Variants in ZFPM2 observed in about 807,000 individuals in gnomAD.
ZFPM2 encodes the protein zinc finger protein ZFPM2.
In ZFPM2, 20 loss-of-function variants were observed where a neutral mutation model predicts 98.6. That is an observed-to-expected ratio of 0.20 (90% CI 0.14 to 0.29). ZFPM2 has a LOEUF of 0.29. ZFPM2 is among the 10% of genes least tolerant of loss of function. The probability of loss-of-function intolerance (pLI) is 1.00; values close to 1 mark genes in which losing one functional copy is unlikely to be tolerated. For synonymous variants in ZFPM2, 518 were observed against 502.7 expected (o/e 1.03, Z -0.41); for missense variants, 1,310 against 1,388.6 (o/e 0.94, Z 0.90).
Position 105,800,933 on chromosome 8 carries a change from T to G in ZFPM2, c.965-114T>G, listed in dbSNP as rs1586282848. On this transcript the variant is annotated intron_variant, in intron 7 of 7. Coordinates refer to ENST00000407775, the MANE Select transcript of ZFPM2 (RefSeq NM_012082.4). ...AACAGTTAATATCACGAATGAAATTTTGAAAGATTTCATTCCTATTGTGTT... is the reference window on the plus strand; with the variant it reads ...AACAGTTAATATCACGAATGAAATTGTGAAAGATTTCATTCCTATTGTGTT... The G allele has an allele frequency of 7.7e-5, 77 of 1,003,198 alleles. 2 individuals carry two copies. The South Asian group carries it at 1.2e-3, about 15-fold the overall frequency. The allele number at this position is 1,003,198 out of a possible 1,614,324, so 62.1% of individuals were successfully genotyped here.
At chr8:105,426,671 G>A (rs185115972) in intron 2 of ZFPM2, among the ~76,000 whole-genome samples, 55 of 152,210 alleles carry the variant, frequency 3.6e-4, no homozygotes, top group African/African-American at 1.0e-3. Flanking sequence ...CCTATAGGCC[G>A]GGGCGGTGGC....
chr8:105,587,131 A>G (rs112113089), intron 4 of ZFPM2, among the ~76,000 whole-genome samples: 45,177 of 150,666 alleles, frequency 0.3, 7,133 homozygotes, highest in South Asian at 0.4. Flanking sequence ...CAAAAAATTA[A>G]CCGGGCGTGG....
At chr8:105,336,688 C>CACACA (rs1812330628) in intron 1 of ZFPM2, among the ~76,000 whole-genome samples, 1 of 142,154 alleles carries the variant, frequency 7.0e-6, no homozygotes, top group Non-Finnish European at 1.6e-5. Context: ...GTAATATACT[C>CACACA]CACACACACA....
chr8:105,510,292 A>G (rs1586425903), intron 3 of ZFPM2, among the ~76,000 whole-genome samples: 1 of 152,168 alleles, frequency 6.6e-6, no homozygotes, highest in Non-Finnish European at 1.5e-5. Context: ...AACAATTTAC[A>G]TTTAAAAAAT....
intron 1 of ZFPM2, among the ~76,000 whole-genome samples, chr8:105,382,750 G>C (rs1270531629): frequency 6.6e-6 from 1 of 152,068 alleles, no homozygotes; most frequent in Non-Finnish European, 1.5e-5. Flanking sequence ...GCAAAGCTTA[G>C]TACTTTGGAA....
At chr8:105,472,883 A>AG (rs1812933167) in intron 3 of ZFPM2, among the ~76,000 whole-genome samples, 1 of 135,758 alleles carries the variant, frequency 7.4e-6, no homozygotes, top group Non-Finnish European at 1.5e-5. Flanking sequence ...CTTCTCCTAA[A>AG]GGGACCTTTT....
chr8:105,763,490 T>A (rs538133339), intron 5 of ZFPM2, among the ~76,000 whole-genome samples: 1 of 151,940 alleles, frequency 6.6e-6, no homozygotes, highest in African/African-American at 2.4e-5. Flanking sequence ...CAGGAAAGAG[T>A]TCTTGCCATT....
intron 5 of ZFPM2, among the ~76,000 whole-genome samples, chr8:105,700,997 TTATGATAAA>T (rs1811128984): frequency 6.6e-6 from 1 of 152,352 alleles, no homozygotes; most frequent in South Asian, 2.1e-4. Context: ...TTCCTTGATT[TTATGATAAA>T]TAGTGTGTTT....
intron 5 of ZFPM2, among the ~76,000 whole-genome samples, chr8:105,747,714 T>C (rs1343667238): frequency 6.6e-6 from 1 of 152,088 alleles, no homozygotes; most frequent in African/African-American, 2.4e-5. Flanking sequence ...TCAAGGCACT[T>C]AAAATGCAAA....
intron 5 of ZFPM2, among the ~76,000 whole-genome samples, chr8:105,738,802 A>C (rs1812149506): frequency 6.6e-6 from 1 of 151,996 alleles, no homozygotes; most frequent in Admixed American, 6.6e-5. Flanking sequence ...ATGAAAAAGC[A>C]GCTAAATTTA....
chr8:105,524,637 A>C (rs1814133859), intron 3 of ZFPM2, among the ~76,000 whole-genome samples: 1 of 152,198 alleles, frequency 6.6e-6, no homozygotes, highest in African/African-American at 2.4e-5. Flanking sequence ...GGTGCGGAAC[A>C]GGATTTTCTC....
chr8:105,757,066 G>A (rs1167754547), intron 5 of ZFPM2, among the ~76,000 whole-genome samples: 3 of 152,158 alleles, frequency 2.0e-5, no homozygotes, highest in Admixed American at 2.0e-4. Context: ...TTCCAGTAAT[G>A]CTATAGCCAA....
intron 3 of ZFPM2, among the ~76,000 whole-genome samples, chr8:105,545,377 G>C (rs1336003058): frequency 6.6e-6 from 1 of 152,084 alleles, no homozygotes; most frequent in African/African-American, 2.4e-5. Context: ...TCTCATGTAA[G>C]TTGGTGACTG....
chr8:105,348,866 A>C (rs1189611499), intron 1 of ZFPM2, among the ~76,000 whole-genome samples: 2 of 152,216 alleles, frequency 1.3e-5, no homozygotes, highest in African/African-American at 4.8e-5. Flanking sequence ...GCAAATGATT[A>C]TGAGGTTGAA....
rs138753814 is a variant in ZFPM2 at position 105,458,116 on chromosome 8, G to A, written c.301+13735G>A. On this transcript the variant is annotated intron_variant, in intron 3 of 7. Coordinates refer to ENST00000407775, the MANE Select transcript of ZFPM2 (RefSeq NM_012082.4). ...GAAGGGAATAAGAAAGGAGCCTCAAGGGATGTCCTCTGAACTTCTTGCCTA... is the reference window on the plus strand; with the variant it reads ...GAAGGGAATAAGAAAGGAGCCTCAAAGGATGTCCTCTGAACTTCTTGCCTA... 5.7e-3 allele frequency among the ~76,000 whole-genome samples: 875 copies of A among 152,252 alleles called. 6 individuals carry two copies. Among genetic ancestry groups the A allele is most frequent in the Middle Eastern group, 0.017 (5 of 294 alleles).
intron 5 of ZFPM2, among the ~76,000 whole-genome samples, chr8:105,687,777 G>A (rs1563521618): frequency 6.6e-6 from 1 of 152,104 alleles, no homozygotes; most frequent in African/African-American, 2.4e-5. Flanking sequence ...TAAGCATCAT[G>A]TTCAATTAGA....
intron 1 of ZFPM2, among the ~76,000 whole-genome samples, chr8:105,347,022 A>G (rs1348046665): frequency 6.6e-6 from 1 of 152,226 alleles, no homozygotes; most frequent in Non-Finnish European, 1.5e-5. Flanking sequence ...AGAACAGCAC[A>G]GATAGATTTA....
intron 5 of ZFPM2, among the ~76,000 whole-genome samples, chr8:105,697,821 G>C (rs1399894389): frequency 6.6e-6 from 1 of 152,022 alleles, no homozygotes; most frequent in Non-Finnish European, 1.5e-5. Flanking sequence ...AGTAATTTCA[G>C]ACTCCCTGCT....
chr8:105,523,014 A>G (rs1015959586), intron 3 of ZFPM2, among the ~76,000 whole-genome samples: 1 of 152,282 alleles, frequency 6.6e-6, no homozygotes, highest in African/African-American at 2.4e-5. Context: ...ATAGAATTAA[A>G]TGCTAGGTCT....
Sources: gnomAD v4.1 joint callset for allele counts (sites outside exome capture counted in the v4.1 genomes callset) on GRCh38, gnomAD v4.1.1 for gene constraint, MANE v1.5 for transcripts, NCBI Gene and HGNC (gene_info 2026-07-23, HGNC 2026-07-21) for gene names.